The following ROBO2 variants were observed in gnomAD, a reference collection of about 807,000 sequenced individuals.
ROBO2 encodes roundabout guidance receptor 2, also known as roundabout homolog 2.
A neutral mutation model predicts 160.8 loss-of-function variants in ROBO2; 53 were observed. The ratio of observed to expected loss-of-function variants is 0.33; its 90% confidence interval spans 0.26 to 0.41. The LOEUF (loss-of-function observed/expected upper bound fraction) is 0.41. Ranked by LOEUF, ROBO2 falls within the 10% of genes least tolerant of loss-of-function variation. The pLI is 1.00. For missense variants in ROBO2, 1,577 were observed against 1,722.4 expected (o/e 0.92, Z 1.49); for synonymous variants, 664 against 611.7 (o/e 1.09, Z -1.26).
At chr3:77,480,907 A>G (rs1235770905) in intron 3 of ROBO2, among the ~76,000 whole-genome samples, 192 bp from the exon 4 acceptor site, 1 of 152,206 alleles carries the variant, frequency 6.6e-6, no homozygotes, top group Non-Finnish European at 1.5e-5. Flanking sequence ...TTCTATGAAG[A>G]AAGTATGGAA....
At chr3:77,411,491 G>A (rs2076798155) in intron 2 of ROBO2, among the ~76,000 whole-genome samples, 1 of 152,146 alleles carries the variant, frequency 6.6e-6, no homozygotes, top group Admixed American at 6.5e-5. Context: ...GATGAAGTCA[G>A]CAGGGGACTT....
intron 2 of ROBO2, among the ~76,000 whole-genome samples, chr3:76,544,939 C>A (rs752768011): frequency 2.0e-5 from 3 of 151,944 alleles, no homozygotes; most frequent in Non-Finnish European, 4.4e-5. Flanking sequence ...GACTCCTATA[C>A]GCAATTGCAC....
intron 5 of ROBO2, among the ~76,000 whole-genome samples, chr3:77,517,928 T>A (rs1374200967): frequency 2.0e-5 from 3 of 151,538 alleles, no homozygotes; most frequent in Non-Finnish European, 4.4e-5. Flanking sequence ...TTCAGGCATC[T>A]ACTAAGAGTC....
At chr3:76,840,142 G>T (rs1360835079) in intron 2 of ROBO2, among the ~76,000 whole-genome samples, 3 of 150,576 alleles carry the variant, frequency 2.0e-5, no homozygotes, top group Non-Finnish European at 4.4e-5. Flanking sequence ...CCAACTTTTT[G>T]TTTCATTTAT....
chr3:76,354,314 T>C (rs978236238), intron 2 of ROBO2, among the ~76,000 whole-genome samples: 1 of 151,922 alleles, frequency 6.6e-6, no homozygotes, highest in Non-Finnish European at 1.5e-5. Flanking sequence ...GTATAACCTT[T>C]TCCTAAATTA....
At chr3:77,576,367 G>A (rs549163051) in intron 14 of ROBO2, among the ~76,000 whole-genome samples, 3 of 152,092 alleles carry the variant, frequency 2.0e-5, no homozygotes, top group East Asian at 1.9e-4. Flanking sequence ...AGGATATTTA[G>A]GATAGTTTCA....
At chr3:76,867,111 G>A (rs965217144) in intron 2 of ROBO2, among the ~76,000 whole-genome samples, 9 of 152,136 alleles carry the variant, frequency 5.9e-5, no homozygotes, top group Non-Finnish European at 8.8e-5. Flanking sequence ...TTTATTAAGT[G>A]TTTACATGTT....
At chr3:76,856,076 A>T (rs1482227628) in intron 2 of ROBO2, among the ~76,000 whole-genome samples, 1 of 152,200 alleles carries the variant, frequency 6.6e-6, no homozygotes, top group Non-Finnish European at 1.5e-5. Flanking sequence ...CAGAAGCCCC[A>T]TGAGCAGATA....
chr3:76,574,484 G>A lies in ROBO2; in HGVS notation c.110-523530G>A, dbSNP rs141157317. On this transcript the variant is annotated intron_variant, in intron 2 of 26. Coordinates refer to the ROBO2 transcript ENST00000487694. The stretch of plus-strand genomic sequence containing the variant: ...TATACCTAAAACAGTATTCCCTTTA[G>A]AGCTTTAAGTTTTAGAACAATATAA... 2.5e-3 allele frequency among the ~76,000 whole-genome samples: 386 copies of A among 152,118 alleles called. 4 individuals carry two copies. The highest frequency in any genetic ancestry group is 9.0e-3 in the African/African-American group (373 of 41,516).
intron 2 of ROBO2, among the ~76,000 whole-genome samples, chr3:77,398,341 A>G (rs2075470878): frequency 6.6e-6 from 1 of 152,066 alleles, no homozygotes; most frequent in Non-Finnish European, 1.5e-5. Context: ...CAAGATGCCA[A>G]GCTGAGGAGT....
At chr3:77,024,452 T>G (rs1314805623) in intron 2 of ROBO2, among the ~76,000 whole-genome samples, 1 of 151,906 alleles carries the variant, frequency 6.6e-6, no homozygotes, top group Non-Finnish European at 1.5e-5. Flanking sequence ...AAACAGGGAG[T>G]CATCTCAGCT....
intron 2 of ROBO2, among the ~76,000 whole-genome samples, chr3:76,385,527 A>C (rs906049839): frequency 1.3e-5 from 2 of 152,200 alleles, no homozygotes; most frequent in African/African-American, 4.8e-5. Flanking sequence ...CAGGTTTTCA[A>C]CATCCAAGAA....
Position 76,456,466 on chromosome 3 carries a change from C to T in ROBO2, c.109+518864C>T, listed in dbSNP as rs139340067. On this transcript the variant is annotated intron_variant, in intron 2 of 26. Transcript: ENST00000487694. ...TTAACAAATTGAGGGAACAAGGCAG[C>T]AAAGATGAGATCAAAGTACCAGCAG... Among the ~76,000 whole-genome samples, 978 of 152,254 alleles carry T rather than the reference C, an allele frequency of 6.4e-3. 10 individuals carry two copies. Among genetic ancestry groups the T allele is most frequent in the Non-Finnish European group, 9.2e-3 (625 of 68,024 alleles).
At chr3:75,962,848 C>A (rs1948969708) in intron 2 of ROBO2, among the ~76,000 whole-genome samples, 2 of 151,840 alleles carry the variant, frequency 1.3e-5, no homozygotes, top group Admixed American at 1.3e-4. Context: ...TATGATTTTT[C>A]TCTACAGATG....
At chr3:77,023,548 A>C (rs1334882396) in intron 2 of ROBO2, among the ~76,000 whole-genome samples, 3 of 152,238 alleles carry the variant, frequency 2.0e-5, no homozygotes, top group African/African-American at 7.2e-5. Flanking sequence ...TGATTGGACA[A>C]AAGTATGTAG....
chr3:77,146,964 C>T (rs997529283), intron 2 of ROBO2, among the ~76,000 whole-genome samples: 2 of 151,878 alleles, frequency 1.3e-5, no homozygotes, highest in African/African-American at 4.8e-5. Flanking sequence ...GAGACTCTGT[C>T]TCAAAAAACA....
intron 2 of ROBO2, among the ~76,000 whole-genome samples, chr3:76,967,117 A>G (rs752156932): frequency 3.3e-5 from 5 of 152,196 alleles, no homozygotes; most frequent in Non-Finnish European, 5.9e-5. Context: ...ACAGACGCAG[A>G]TACACATGAA....
intron 2 of ROBO2, among the ~76,000 whole-genome samples, chr3:77,256,789 G>A (rs964749870): frequency 1.3e-5 from 2 of 152,342 alleles, no homozygotes; most frequent in Non-Finnish European, 1.5e-5. Flanking sequence ...GTCTGAGTAA[G>A]CCAGCCGTCT....
intron 2 of ROBO2, among the ~76,000 whole-genome samples, chr3:76,324,199 A>T (rs776902761): frequency 3.9e-5 from 6 of 152,192 alleles, no homozygotes; most frequent in Non-Finnish European, 7.3e-5. Context: ...TCATGGGAGT[A>T]CTTTGACGTG....
Sources: gnomAD v4.1 joint callset for allele counts (sites outside exome capture counted in the v4.1 genomes callset) on GRCh38, gnomAD v4.1.1 for gene constraint, MANE v1.5 for transcripts, NCBI Gene and HGNC (gene_info 2026-07-23, HGNC 2026-07-21) for gene names.